MYOM3: variants seen among roughly 807,000 people sequenced by gnomAD.
The protein encoded by MYOM3 is myomesin 3.
Under a neutral mutation model 191.7 loss-of-function variants are expected in MYOM3, and 155 were observed. That is an observed-to-expected ratio of 0.81 (90% confidence interval 0.71 to 0.92). The LOEUF (loss-of-function observed/expected upper bound fraction) is 0.92. Among genes scored for constraint, MYOM3 ranks in the 40% least tolerant of loss-of-function variants. The probability of loss-of-function intolerance (pLI) is 0.00; values close to 1 mark genes in which losing one functional copy is unlikely to be tolerated. For synonymous variants in MYOM3, 757 were observed against 762.9 expected (o/e 0.99, Z 0.13); for missense variants, 1,889 against 1,890.6 (o/e 1.00, Z 0.02).
intron 1 of MYOM3, among the ~76,000 whole-genome samples, chr1:24,109,073 G>A (rs899734952): frequency 4.6e-5 from 7 of 152,334 alleles, no homozygotes; most frequent in Admixed American, 1.3e-4. Flanking sequence ...ACGGGCAGGC[G>A]TCCCCATTCT....
chr1:24,092,986 A>C lies in MYOM3; in HGVS notation c.1051T>G (p.Phe351Val). ...GLYMVRVPSP[F>V]GPREQSTYVL... ...TAGGTGCTCTGTTCCCGGGGTCCGA[A>C]GGGCGAGGGCACCCGGACCATGTAG... The change falls in exon 10 of 37, where the codon TTC becomes GTC. Residue 351 changes from phenylalanine to valine, a missense_variant. Physicochemically the swap from Phe to Val is conservative, Grantham distance 50 (BLOSUM62 -1). Transcript: ENST00000374434. 1 of 1,608,368 alleles carries C rather than the reference A, an allele frequency of 6.2e-7. No homozygotes were observed. The highest frequency in any genetic ancestry group is 8.5e-7 in the Non-Finnish European group (1 of 1,178,162).
chr1:24,072,730 TCA>T (rs1643547682), intron 23 of MYOM3, among the ~76,000 whole-genome samples: 1 of 152,142 alleles, frequency 6.6e-6, no homozygotes, highest in South Asian at 2.1e-4. Context: ...AGACAGGGTT[TCA>T]CCATGTTGGC....
chr1:24,084,167 C>T (rs559684864), intron 16 of MYOM3: 13 of 331,240 alleles, frequency 3.9e-5, no homozygotes, highest in South Asian at 1.3e-4. Context: ...GGCGGATGTC[C>T]GCTTTGCTGT....
chr1:24,085,757 C>T (rs1643730463), intron 15 of MYOM3, among the ~76,000 whole-genome samples: 1 of 152,188 alleles, frequency 6.6e-6, no homozygotes, highest in African/African-American at 2.4e-5. Flanking sequence ...GGCCCCAAAT[C>T]AAATCCAAAT....
At chr1:24,062,954 C>T (rs1643388162) in intron 32 of MYOM3, among the ~76,000 whole-genome samples, 172 bp downstream of exon 32, 1 of 152,202 alleles carries the variant, frequency 6.6e-6, no homozygotes, top group African/African-American at 2.4e-5. Context: ...CTTCTGTGGA[C>T]AGCAAGACCA....
At chr1:24,079,379 T>TC (rs1201288674) in intron 20 of MYOM3, among the ~76,000 whole-genome samples, 1 of 146,908 alleles carries the variant, frequency 6.8e-6, no homozygotes, top group African/African-American at 2.5e-5. Flanking sequence ...TTTTTTTTTT[T>TC]CTAGAGATGA....
chr1:24,069,142 T>C (rs1643492137), intron 25 of MYOM3, among the ~76,000 whole-genome samples: 1 of 152,258 alleles, frequency 6.6e-6, no homozygotes, highest in African/African-American at 2.4e-5. Flanking sequence ...CATTTTACCA[T>C]ATTCTAACAG....
chr1:24,081,836 A>G, intron 18 of MYOM3, 165 bp downstream of exon 18: 2 of 702,074 alleles, frequency 2.8e-6, no homozygotes, highest in Non-Finnish European at 4.7e-6. Context: ...GTGGCTCTAA[A>G]CAGTTCTGTT....
rs765493250 is a variant in MYOM3 at position 24,107,058 on chromosome 1, G to A, written c.402+15C>T. 8.8e-6 allele frequency: 14 copies of A among 1,595,760 alleles called. No individual in the cohort carries two copies. In the South Asian group the frequency reaches 1.1e-4, roughly 13 times the overall value. ...CAGGTCCCAGGCCCTGGGGCTCCAC[G>A]GCCCACCCCCTTACCCGCCGCCTCA... On this transcript the variant is annotated intron_variant, in intron 4 of 36. Coordinates refer to ENST00000374434, the MANE Select transcript of MYOM3 (RefSeq NM_152372.4).
rs1643860955 is a variant in MYOM3 at position 24,093,123 on chromosome 1, TG to T, written c.929-16del. On this transcript the variant is annotated splice_polypyrimidine_tract_variant and intron_variant, in intron 9 of 36. Coordinates refer to ENST00000374434, the MANE Select transcript of MYOM3 (RefSeq NM_152372.4). ...CAGTAGGCTCCCTGTGGAGGGGAAGTGGGGGGCCATTGAGTTTGTGGGGGGT... is the reference window on the plus strand; with the variant it reads ...CAGTAGGCTCCCTGTGGAGGGGAAGTGGGGGCCATTGAGTTTGTGGGGGGT... 5.6e-6 allele frequency: 9 copies of T among 1,593,326 alleles called. No homozygotes were observed. The highest frequency in any genetic ancestry group is 4.1e-5 in the African/African-American group (3 of 73,838).
At chr1:24,060,800 C>T (rs1643360931) in intron 35 of MYOM3, among the ~76,000 whole-genome samples, 1 of 152,176 alleles carries the variant, frequency 6.6e-6, no homozygotes, top group South Asian at 2.1e-4. Context: ...CTGTCTGTCC[C>T]CTCCTTTTCG....
chr1:24,057,990 A>G lies in MYOM3; in HGVS notation c.4051-363T>C, dbSNP rs1033187854. On this transcript the variant is annotated intron_variant, in intron 36 of 36. Coordinates refer to ENST00000374434, the MANE Select transcript of MYOM3 (RefSeq NM_152372.4). ...CCCGGCTAATTTTTGTATTTTTAGT[A>G]GAGATGGGGTTTTGCCGTGTTGATC... Among the ~76,000 whole-genome samples the G allele has an allele frequency of 9.9e-5, 15 of 152,206 alleles. 1 individual carries two copies. The highest frequency in any genetic ancestry group is 3.4e-4 in the African/African-American group (14 of 41,534).
chr1:24,110,431 G>A (rs1265177443), intron 1 of MYOM3, among the ~76,000 whole-genome samples: 2 of 152,110 alleles, frequency 1.3e-5, no homozygotes, highest in Non-Finnish European at 2.9e-5. Flanking sequence ...CAGCACCTAG[G>A]TGACCATTTC....
At chr1:24,061,140 C>T (rs1643364977) in intron 34 of MYOM3, 58 bp from the exon 35 acceptor site, 1 of 1,611,940 alleles carries the variant, frequency 6.2e-7, no homozygotes, top group Non-Finnish European at 8.5e-7. Context: ...GACAGTCCAG[C>T]CCAGGTGGAG....
intron 23 of MYOM3, among the ~76,000 whole-genome samples, chr1:24,072,360 T>C (rs181952416): frequency 1.3e-5 from 2 of 152,260 alleles, no homozygotes; most frequent in Admixed American, 1.3e-4. Flanking sequence ...GGGCTGAGCA[T>C]TACTGTCTAC....
intron 28 of MYOM3, chr1:24,066,614 T>C (rs1570854077): frequency 2.8e-6 from 1 of 356,960 alleles, no homozygotes. Context: ...TTTTCTCATC[T>C]ATGAAGTGAG....
At chr1:24,071,574 G>T (rs1414577798) in intron 24 of MYOM3, among the ~76,000 whole-genome samples, 1 of 152,144 alleles carries the variant, frequency 6.6e-6, no homozygotes, top group East Asian at 1.9e-4. Flanking sequence ...CTGGGGCATG[G>T]CCTAGGTATT....
In MYOM3 at chr1:24,090,682, G is replaced by C. The variant is rs1438627798; in HGVS notation, c.1432+115C>G. ...ACTAGTGTTTACTGAGGGCTGGGCT[G>C]TGCTTCCTCCACCAGACTCGGGGCT... On this transcript the variant is annotated intron_variant, in intron 12 of 36. Transcript: ENST00000374434. 3 of 1,020,350 alleles carry C rather than the reference G, an allele frequency of 2.9e-6. No homozygotes were observed. The East Asian group carries it at 7.4e-5, about 25-fold the overall frequency. The allele number at this position is 1,020,350 out of a possible 1,614,324, so 63.2% of individuals were successfully genotyped here.
chr1:24,108,036 GGGCGTAGTCCGCGGCGCTGAACTCAT>G lies in MYOM3; in HGVS notation c.173_198del (p.His58ProfsTer41). 1 of 1,613,822 alleles carries G rather than the reference GGGCGTAGTCCGCGGCGCTGAACTCAT, an allele frequency of 6.2e-7. No homozygotes were observed. Among genetic ancestry groups the G allele is most frequent in the Non-Finnish European group, 8.5e-7 (1 of 1,179,856 alleles). On this transcript the variant is annotated frameshift_variant, in exon 3 of 37. Transcript: ENST00000374434. LOFTEE classifies it high-confidence loss of function. ...GCCGTCAGAGCCAGGGCTGCTGCCA[GGGCGTAGTCCGCGGCGCTGAACTCAT>G]GCTCTTCTTCGCTGCTCCCAGAAGG... is the stretch of plus-strand genomic sequence containing the variant.
Sources: gnomAD v4.1 joint callset for allele counts (sites outside exome capture counted in the v4.1 genomes callset) on GRCh38, gnomAD v4.1.1 for gene constraint, MANE v1.5 for transcripts, NCBI Gene and HGNC (gene_info 2026-07-23, HGNC 2026-07-21) for gene names.